TRPM7: variants seen among roughly 807,000 people sequenced by gnomAD.
TRPM7 encodes transient receptor potential cation channel subfamily M member 7.
Under a neutral mutation model 229.7 loss-of-function variants are expected in TRPM7, and 134 were observed. The observed-to-expected ratio is 0.58, with a 90% CI of 0.51 to 0.67. The LOEUF (loss-of-function observed/expected upper bound fraction) is 0.67, where lower values mean the gene tolerates loss of function less well. Among genes scored for constraint, TRPM7 ranks in the 30% least tolerant of loss-of-function variants. TRPM7 has a pLI of 0.00. For missense variants in TRPM7, 1,901 were observed against 2,210.0 expected, an observed-to-expected ratio of 0.86 and a Z score of 2.80; for synonymous variants, 699 against 715.2, an observed-to-expected ratio of 0.98 and a Z score of 0.36.
chr15:50,627,938 A>G (rs1215026968), intron 11 of TRPM7, among the ~76,000 whole-genome samples: 1 of 152,218 alleles, frequency 6.6e-6, no homozygotes, highest in South Asian at 2.1e-4. Context: ...AGATTCTTAG[A>G]GATCTATATA....
chr15:50,613,753 AT>A lies in TRPM7; in HGVS notation c.1723del (p.Met575Ter). ...TGTCTTAATGAAATGGTTATGCCTC[AT>A]TTTTTCCTTTTTATCTGCCCTATTG... is the stretch of plus-strand genomic sequence containing the variant. ...FGNRADKKEK[M>X]RHNHFIKTAQ... On this transcript the variant is annotated frameshift_variant, in exon 15 of 39. Transcript: ENST00000646667. LOFTEE classifies it high-confidence loss of function. 1 of 1,613,722 alleles carries A rather than the reference AT, an allele frequency of 6.2e-7. No individual in the cohort carries two copies.
rs73395563 is a variant in TRPM7, at chr15:50,608,578, G to A, written c.2580+1003C>T. Among the ~76,000 whole-genome samples, 230 of 152,298 alleles carry A rather than the reference G, an allele frequency of 1.5e-3. 2 individuals are homozygous for A. Among genetic ancestry groups the A allele is most frequent in the African/African-American group, 5.2e-3 (215 of 41,566 alleles). ...TTCATCAGTGGAGACAGAATTTGGA[G>A]ATTAGATCAGATAACTGATATTTGC... On this transcript the variant is annotated intron_variant, in intron 19 of 38. Coordinates refer to ENST00000646667, the MANE Select transcript of TRPM7 (RefSeq NM_017672.6).
At chr15:50,640,839 T>C (rs999132178) in intron 5 of TRPM7, among the ~76,000 whole-genome samples, 1 of 152,080 alleles carries the variant, frequency 6.6e-6, no homozygotes, top group Non-Finnish European at 1.5e-5. Context: ...CAGGAGGCCA[T>C]GAGAGGGAGG....
chr15:50,638,722 G>A (rs2060999454), intron 6 of TRPM7, among the ~76,000 whole-genome samples: 1 of 121,638 alleles, frequency 8.2e-6, no homozygotes, highest in Non-Finnish European at 2.0e-5. Flanking sequence ...GTTTTGCTTT[G>A]TCACCTAGGC....
At chr15:50,639,802 A>G (rs942501723) in intron 5 of TRPM7, among the ~76,000 whole-genome samples, 2 of 150,928 alleles carry the variant, frequency 1.3e-5, no homozygotes, top group Non-Finnish European at 2.9e-5. Context: ...TCAGCCTCCC[A>G]AAGTTCTGGG....
Position 50,592,211 on chromosome 15 carries a change from C to A in TRPM7, c.4024G>T (p.Glu1342Ter). The change falls in exon 26 of 39, where the codon GAA (glutamate) becomes TAA (stop). Residue 1342 changes from glutamate to a stop codon, truncating the protein, a stop_gained. Transcript: ENST00000646667. LOFTEE classifies it high-confidence loss of function. The stretch of plus-strand genomic sequence containing the variant: ...GAACCAGCCTCTGGAAAATTAAATT[C>A]TTTTCTCTGGGGTACTGCAGGTAAG... Reference protein sequence around the residue: ...QDLPAVPQRKEFNFPEAGSSS... With the variant: ...QDLPAVPQRK 6.2e-7 allele frequency: 1 copy of A among 1,614,128 alleles called. No homozygotes were observed. Among genetic ancestry groups the A allele is most frequent in the Non-Finnish European group, 8.5e-7 (1 of 1,180,020 alleles).
chr15:50,620,230 C>T lies in TRPM7; in HGVS notation c.1441-432G>A, dbSNP rs1486497206. 2.0e-5 allele frequency among the ~76,000 whole-genome samples: 3 copies of T among 152,042 alleles called. No homozygotes were observed. In the East Asian group the frequency reaches 5.8e-4, roughly 29 times the overall value. On this transcript the variant is annotated intron_variant, in intron 12 of 38. Transcript: ENST00000646667. ...CCTGTAACCCACGGGCTGCATGCAG[C>T]CCAAGATGGCTTTGAATATGGCCCA...
Position 50,636,483 on chromosome 15 carries a change from G to A in TRPM7, c.832+939C>T, listed in dbSNP as rs552801055. Among the ~76,000 whole-genome samples, 4 of 152,186 alleles carry A rather than the reference G, an allele frequency of 2.6e-5. No homozygotes were observed. The East Asian group carries it at 7.7e-4, about 29-fold the overall frequency. Reference sequence around the variant, plus strand: ...TGCGATTATAGGCATGAGCCAGCACGCCCAGCCCATTCTTAACTTTTAGCA... The same window carrying A: ...TGCGATTATAGGCATGAGCCAGCACACCCAGCCCATTCTTAACTTTTAGCA... On this transcript the variant is annotated intron_variant, in intron 7 of 38. Transcript: ENST00000646667.
rs912695911 is a variant in TRPM7, at chr15:50,591,934, T to C, written c.4301A>G (p.Asn1434Ser). The part of the protein sequence containing the change: ...TVCSKATEGD[N>S]TEFGAFVGHR... ...ACCTACAAATGCTCCAAATTCTGTA[T>C]TATCTCCTTCTGTAGCTTTAGAGCA... Residue 1434 changes from asparagine (N) to serine (S), a missense_variant, in exon 26 of 39, where the codon AAT (asparagine) becomes AGT (serine). This residue lies in a region of TRPM7 where 533 missense variants were observed against 497.1 expected (regional missense o/e 1.07). Transcript: ENST00000646667. The C allele has an allele frequency of 2.7e-5, 42 of 1,577,054 alleles. No homozygotes were observed. Among genetic ancestry groups the C allele is most frequent in the Non-Finnish European group, 3.6e-5 (42 of 1,168,222 alleles).
At chr15:50,650,675 A>ACC (rs2061398169) in intron 3 of TRPM7, among the ~76,000 whole-genome samples, 1 of 151,970 alleles carries the variant, frequency 6.6e-6, no homozygotes, top group Non-Finnish European at 1.5e-5. Flanking sequence ...AGGATGGGCA[A>ACC]CACAGCAAGA....
At chr15:50,565,110 T>C (rs1467054512) in intron 38 of TRPM7, among the ~76,000 whole-genome samples, 2 of 151,912 alleles carry the variant, frequency 1.3e-5, no homozygotes, top group African/African-American at 4.8e-5. Flanking sequence ...GCCTCCCAAG[T>C]AGCTGGGATT....
At chr15:50,588,211 T>C (rs771522720) in intron 27 of TRPM7, 1 of 984,878 alleles carries the variant, frequency 1.0e-6, no homozygotes. Context: ...GGCATCTCTG[T>C]ATACTCCATA....
chr15:50,596,763 T>G (rs777572962), intron 22 of TRPM7, among the ~76,000 whole-genome samples: 2 of 151,890 alleles, frequency 1.3e-5, no homozygotes, highest in African/African-American at 2.4e-5. Context: ...ACTTTTTTTT[T>G]CCCCTGAGAC....
intron 21 of TRPM7, among the ~76,000 whole-genome samples, chr15:50,600,287 C>G (rs2059743019): frequency 6.6e-6 from 1 of 151,894 alleles, no homozygotes; most frequent in Non-Finnish European, 1.5e-5. Flanking sequence ...AAATATAAAA[C>G]TTAGCCGGGC....
chr15:50,561,916 C>T (rs1596035933), intron 38 of TRPM7, 108 bp from the exon 39 acceptor site: 25 of 1,156,834 alleles, frequency 2.2e-5, no homozygotes, highest in East Asian at 5.8e-5. Flanking sequence ...CTTTTCAAGA[C>T]GGAGTTTCGC....
At chr15:50,596,482 T>C (rs1003794838) in intron 22 of TRPM7, 101 bp from the exon 23 acceptor site, 2 of 972,244 alleles carry the variant, frequency 2.1e-6, no homozygotes. Flanking sequence ...TTACTTAAAG[T>C]AAGTTTCGAT....
intron 38 of TRPM7, among the ~76,000 whole-genome samples, chr15:50,566,721 G>A (rs1439389213): frequency 2.0e-5 from 3 of 151,800 alleles, no homozygotes; most frequent in African/African-American, 4.8e-5. Flanking sequence ...ATAAAGATCC[G>A]AGAATCAATA....
chr15:50,605,273 C>CTCTGTCTCAAAATAA, intron 20 of TRPM7, 129 bp from the exon 21 acceptor site: 1 of 861,454 alleles, frequency 1.2e-6, no homozygotes, highest in Non-Finnish European at 1.7e-6. Flanking sequence ...TATTTTGAGA[C>CTCTGTCTCAAAATAA]AGAGTCTCGC....
chr15:50,676,659 G>A (rs1162784331), intron 1 of TRPM7, among the ~76,000 whole-genome samples: 3 of 151,984 alleles, frequency 2.0e-5, no homozygotes, highest in Non-Finnish European at 2.9e-5. Flanking sequence ...TAGAATAAAG[G>A]AATGGTATTG....
Sources: gnomAD v4.1 joint callset for allele counts (sites outside exome capture counted in the v4.1 genomes callset) on GRCh38, gnomAD v4.1.1 for gene constraint, gnomAD v4.1.1 regional missense constraint, MANE v1.5 for transcripts, NCBI Gene and HGNC (gene_info 2026-07-23, HGNC 2026-07-21) for gene names.